Variants in SNURF observed in about 807,000 individuals in gnomAD.
SNURF encodes SNRPN upstream open reading frame.
In SNURF, 6 loss-of-function variants were observed where a neutral mutation model predicts 11.6. The observed-to-expected ratio is 0.52, with a 90% confidence interval of 0.28 to 1.02. The LOEUF is 1.02. SNURF is among the 50% of genes least tolerant of loss of function. The pLI is 0.09. For missense variants in SNURF, 84 were observed against 88.4 expected (o/e 0.95, Z 0.20); for synonymous variants, 29 against 31.6 (o/e 0.92, Z 0.27).
At chr15:24,971,886 T>C (rs113937482), downstream of SNURF, among the ~76,000 whole-genome samples, 49 of 152,318 alleles carry the variant, frequency 3.2e-4, no homozygotes, top group African/African-American at 1.0e-3. Context: ...GTAAGATCTG[T>C]CTTGCTCATT....
intron 1 of SNURF, among the ~76,000 whole-genome samples, chr15:24,955,961 C>T (rs2062792109): frequency 6.6e-6 from 1 of 151,770 alleles, no homozygotes; most frequent in Non-Finnish European, 1.5e-5. Flanking sequence ...TAGCACAGTC[C>T]GCAGCCTTTA....
Position 24,965,302 on chromosome 15 carries a change from C to T in SNURF, c.111-2630C>T, listed in dbSNP as rs187999508. Among the ~76,000 whole-genome samples the T allele has an allele frequency of 1.2e-4, 19 of 152,198 alleles. No individual in the cohort carries two copies. In the East Asian group the frequency reaches 2.7e-3, roughly 22 times the overall value. On this transcript the variant is annotated intron_variant, in intron 2 of 2. Transcript: ENST00000577949. Reference sequence around the variant, plus strand: ...CCTGTAATCCCAGCACTTTGGGAGGCGAAGGTGGGCAGATCACCTGAGGTC... The same window carrying T: ...CCTGTAATCCCAGCACTTTGGGAGGTGAAGGTGGGCAGATCACCTGAGGTC...
intron 1 of SNURF, among the ~76,000 whole-genome samples, chr15:24,956,346 C>T (rs966699728): frequency 1.6e-5 from 2 of 126,136 alleles, no homozygotes; most frequent in Admixed American, 9.5e-5. Flanking sequence ...TCTGCGCAAG[C>T]GCTTCAGCGG....
In SNURF at chr15:24,977,077, G is replaced by A. The variant is rs746756443; in HGVS notation, c.*462+48G>A. Reference sequence around the variant, plus strand: ...TATATTATTGGGAGAATATGACTAAGCCGGAGGCCGAGGAGATTTAAAAAC... The same window carrying A: ...TATATTATTGGGAGAATATGACTAAACCGGAGGCCGAGGAGATTTAAAAAC... On this transcript the variant is annotated intron_variant and NMD_transcript_variant, in intron 6 of 6. Transcript: ENST00000580062. The A allele has an allele frequency of 2.1e-6, 3 of 1,459,368 alleles. No homozygotes were observed. In the East Asian group the frequency reaches 7.1e-5, roughly 35 times the overall value. The allele number at this position is 1,459,368 out of a possible 1,614,324, so 90.4% of individuals were successfully genotyped here.
exon 5 of SNURF, chr15:24,976,398 G>C (rs765663018): frequency 6.2e-7 from 1 of 1,610,684 alleles, no homozygotes; most frequent in Non-Finnish European, 8.5e-7. Flanking sequence ...TGACTGTGGA[G>C]GGGCCACCCC....
intron 5 of SNURF, chr15:24,976,844 T>C (rs1186014031): frequency 6.3e-7 from 1 of 1,592,130 alleles, no homozygotes; most frequent in Admixed American, 1.8e-5. Flanking sequence ...TTGTAAATTG[T>C]TTGATTTTAG....
intron 2 of SNURF, among the ~76,000 whole-genome samples, chr15:24,964,287 C>G (rs183058669): frequency 4.6e-5 from 7 of 152,090 alleles, no homozygotes; most frequent in South Asian, 2.1e-4. Flanking sequence ...TTCGATCATT[C>G]ATTTTATTTG....
intron 1 of SNURF, among the ~76,000 whole-genome samples, chr15:24,956,777 G>A (rs961881483): frequency 1.3e-5 from 2 of 152,186 alleles, no homozygotes; most frequent in African/African-American, 4.8e-5. Flanking sequence ...CGGTGCAGCA[G>A]TAGAGGACTG....
At chr15:24,976,777 G>T (rs2077111260) in intron 5 of SNURF, 1 of 1,013,112 alleles carries the variant, frequency 9.9e-7, no homozygotes, top group Non-Finnish European at 1.5e-6. Context: ...TATGAGATAG[G>T]TGTCATGGGA....
At chr15:24,963,380 G>A (rs547256770) in intron 2 of SNURF, among the ~76,000 whole-genome samples, 66 of 152,282 alleles carry the variant, frequency 4.3e-4, no homozygotes, top group Admixed American at 2.4e-3. Flanking sequence ...ACTTTGGGAG[G>A]CTAAGCCAGG....
exon 4 of SNURF, chr15:24,975,456 T>G (rs772205730): frequency 6.2e-7 from 1 of 1,613,996 alleles, no homozygotes; most frequent in Admixed American, 1.7e-5. Context: ...TTAAGGCTTT[T>G]GACAAGCATA....
At chr15:24,957,441 T>G (rs989758734) in intron 1 of SNURF, among the ~76,000 whole-genome samples, 1 of 152,228 alleles carries the variant, frequency 6.6e-6, no homozygotes, top group Non-Finnish European at 1.5e-5. Flanking sequence ...TTGGAGCTAC[T>G]ACAAAAATTT....
chr15:24,964,941 C>A (rs912946193), intron 2 of SNURF, among the ~76,000 whole-genome samples: 3 of 152,090 alleles, frequency 2.0e-5, no homozygotes, highest in Non-Finnish European at 4.4e-5. Flanking sequence ...TATATATGTA[C>A]AAATACTGCA....
chr15:24,976,439 C>T (rs761546700), intron 5 of SNURF: 1 of 1,491,922 alleles, frequency 6.7e-7, no homozygotes. Flanking sequence ...TAGGGCAGGA[C>T]AGAACTTTAA....
At chr15:24,964,215 A>G (rs1168921431) in intron 2 of SNURF, among the ~76,000 whole-genome samples, 1 of 151,922 alleles carries the variant, frequency 6.6e-6, no homozygotes, top group African/African-American at 2.4e-5. Context: ...TTGTTTGTAT[A>G]TTGGTAAATA....
At chr15:24,972,350 A>G (rs1214531206), downstream of SNURF, among the ~76,000 whole-genome samples, 1 of 152,144 alleles carries the variant, frequency 6.6e-6, no homozygotes, top group Non-Finnish European at 1.5e-5. Context: ...ATAATATTCA[A>G]AACTTCTAAG....
At chr15:24,969,229 A>G (rs369096922), downstream of SNURF, among the ~76,000 whole-genome samples, 258 of 152,158 alleles carry the variant, frequency 1.7e-3, 1 homozygote, top group African/African-American at 6.1e-3. Context: ...CCCAGGTTCA[A>G]CTGATTTTCC....
chr15:24,957,229 A>G (rs6576396), intron 1 of SNURF, among the ~76,000 whole-genome samples: 135,781 of 152,166 alleles, frequency 0.89, 60,753 homozygotes, highest in East Asian at 0.99. Context: ...GGGGGAGAGG[A>G]CATCGTGATG....
intron 4 of SNURF, chr15:24,975,616 T>G (rs1260864039): frequency 4.6e-6 from 4 of 875,528 alleles, no homozygotes; most frequent in Middle Eastern, 3.5e-4. Flanking sequence ...TTAGGGAAAC[T>G]ATGGTAGAGC....
Sources: allele counts gnomAD v4.1 joint callset (sites outside exome capture counted in the v4.1 genomes callset), GRCh38; gene constraint gnomAD v4.1.1; transcripts MANE v1.5; gene names NCBI Gene and HGNC (gene_info 2026-07-23, HGNC 2026-07-21).